Variants in MIPOL1 observed in about 807,000 individuals in gnomAD.
MIPOL1 encodes the protein mirror-image polydactyly gene 1 protein.
MIPOL1 carries 57 observed loss-of-function variants against 60.9 expected under a neutral mutation model. That is an observed-to-expected ratio of 0.94 (90% CI 0.76 to 1.17). The LOEUF is 1.17. Ranked by LOEUF, MIPOL1 falls within the 50% of genes most tolerant of loss-of-function variation. The probability of loss-of-function intolerance (pLI) is 0.00; values close to 1 mark genes in which losing one functional copy is unlikely to be tolerated. For synonymous variants in MIPOL1, 179 were observed against 168.8 expected (o/e 1.06, Z -0.47); for missense variants, 551 against 511.6 (o/e 1.08, Z -0.74).
At chr14:37,546,241 A>G (rs1016237572) in intron 12 of MIPOL1, among the ~76,000 whole-genome samples, 9 of 152,168 alleles carry the variant, frequency 5.9e-5, no homozygotes, top group Non-Finnish European at 8.8e-5. Context: ...TAAAATGTCT[A>G]TGTAGGTAAT....
At chr14:37,373,019 G>T (rs116601355) in intron 10 of MIPOL1, among the ~76,000 whole-genome samples, 4 of 151,998 alleles carry the variant, frequency 2.6e-5, no homozygotes, top group East Asian at 3.9e-4. Context: ...TTGTTTCTTC[G>T]TTCTGAAACA....
intron 10 of MIPOL1, among the ~76,000 whole-genome samples, chr14:37,381,721 T>C (rs2092929823): frequency 1.3e-5 from 2 of 151,692 alleles, no homozygotes. Flanking sequence ...CAGTTGACAC[T>C]ATAGGCACAC....
intron 10 of MIPOL1, among the ~76,000 whole-genome samples, chr14:37,420,507 T>C (rs1277569496): frequency 6.6e-6 from 1 of 152,272 alleles, no homozygotes; most frequent in African/African-American, 2.4e-5. Flanking sequence ...TTTTGACATA[T>C]AGTATGATAG....
At chr14:37,201,515 G>C (rs10136464) in intron 1 of MIPOL1, among the ~76,000 whole-genome samples, 68,026 of 151,566 alleles carry the variant, frequency 0.45, 17,684 homozygotes, top group African/African-American at 0.73. Flanking sequence ...ATATAATATA[G>C]TTATTGTAAT....
chr14:37,364,172 C>G (rs1446665893), intron 9 of MIPOL1, among the ~76,000 whole-genome samples: 2 of 152,200 alleles, frequency 1.3e-5, no homozygotes, highest in Non-Finnish European at 2.9e-5. Context: ...ATGAGATGAA[C>G]TGGGTACTTT....
intron 9 of MIPOL1, among the ~76,000 whole-genome samples, chr14:37,340,480 T>G (rs986698244): frequency 6.6e-6 from 1 of 152,082 alleles, no homozygotes; most frequent in Admixed American, 6.6e-5. Flanking sequence ...GGAGGCCAAG[T>G]CGGACGATCC....
chr14:37,337,317 C>T (rs2090201391), intron 9 of MIPOL1, among the ~76,000 whole-genome samples: 3 of 57,760 alleles, frequency 5.2e-5, no homozygotes, highest in African/African-American at 7.3e-5. Context: ...GCTTATTGTT[C>T]ATTTGTAAAC....
intron 6 of MIPOL1, among the ~76,000 whole-genome samples, chr14:37,282,565 C>T (rs1262032016): frequency 6.6e-6 from 1 of 151,498 alleles, no homozygotes; most frequent in Non-Finnish European, 1.5e-5. Context: ...CACAGTGAGA[C>T]CTTGTCTCTA....
chr14:37,520,088 T>A (rs955357188), intron 12 of MIPOL1, among the ~76,000 whole-genome samples: 1 of 152,152 alleles, frequency 6.6e-6, no homozygotes, highest in South Asian at 2.1e-4. Context: ...TTTTTATGAA[T>A]CATGGTTAAA....
chr14:37,409,095 C>T (rs575546807), intron 10 of MIPOL1, among the ~76,000 whole-genome samples: 1 of 152,234 alleles, frequency 6.6e-6, no homozygotes, highest in Non-Finnish European at 1.5e-5. Context: ...TCTCTTGGCT[C>T]CCTCATGGAA....
intron 11 of MIPOL1, among the ~76,000 whole-genome samples, chr14:37,430,910 CT>C (rs2094052610): frequency 6.6e-6 from 1 of 152,150 alleles, no homozygotes. Flanking sequence ...TTTTCTGCGC[CT>C]TATTCAACAC....
intron 11 of MIPOL1, among the ~76,000 whole-genome samples, chr14:37,448,070 CTTAAA>C (rs1431789637): frequency 2.0e-5 from 3 of 152,104 alleles, no homozygotes; most frequent in Non-Finnish European, 2.9e-5. Context: ...TGGATATGCT[CTTAAA>C]TTAAAGACAA....
In MIPOL1 at chr14:37,537,202, T is replaced by G. The variant is rs145003268; in HGVS notation, c.1263-9703T>G. The stretch of plus-strand genomic sequence containing the variant: ...TTAAAATGCATTCTTTGGTTTCTAC[T>G]TAATCTCAAAGATCTTAATATGAAG... On this transcript the variant is annotated intron_variant, in intron 12 of 12. Transcript: ENST00000684589. Among the ~76,000 whole-genome samples the G allele has an allele frequency of 3.0e-3, 454 of 152,292 alleles. 3 individuals are homozygous for G. Among genetic ancestry groups the G allele is most frequent in the African/African-American group, 0.01 (423 of 41,582 alleles).
At chr14:37,257,337 T>G (rs1435350269) in intron 3 of MIPOL1, among the ~76,000 whole-genome samples, 1 of 152,028 alleles carries the variant, frequency 6.6e-6, no homozygotes, top group African/African-American at 2.4e-5. Flanking sequence ...CAAATATACT[T>G]TTGAGCTACT....
At chr14:37,338,379 G>A (rs1262766905) in intron 9 of MIPOL1, among the ~76,000 whole-genome samples, 1 of 149,694 alleles carries the variant, frequency 6.7e-6, no homozygotes, top group Admixed American at 6.7e-5. Flanking sequence ...CAAAGTGCTG[G>A]GATTACAGGC....
intron 12 of MIPOL1, among the ~76,000 whole-genome samples, chr14:37,516,797 G>T (rs569783870): frequency 6.9e-4 from 105 of 151,942 alleles, no homozygotes; most frequent in South Asian, 1.2e-3. Flanking sequence ...TATTTTTTTA[G>T]AATAAACTAT....
intron 10 of MIPOL1, among the ~76,000 whole-genome samples, chr14:37,370,321 T>C (rs2153496712): frequency 6.6e-6 from 1 of 152,290 alleles, no homozygotes; most frequent in Middle Eastern, 3.4e-3. Context: ...CCCAGTATAG[T>C]GCCTGTACAC....
Position 37,423,088 on chromosome 14 carries a change from A to T in MIPOL1, c.1031+139A>T, listed in dbSNP as rs974429592. 20 of 577,248 alleles carry T rather than the reference A, an allele frequency of 3.5e-5. No individual in the cohort carries two copies. In the African/African-American group the frequency reaches 3.6e-4, roughly 10 times the overall value. The allele number at this position is 577,248 out of a possible 1,614,324, so 35.8% of individuals were successfully genotyped here. ...CTTAAAGCATTTTTATAACTAAAAA[A>T]GATTCAGGCTTATAGTATTTATTAT... On this transcript the variant is annotated intron_variant, in intron 11 of 12. Coordinates refer to ENST00000684589, the MANE Select transcript of MIPOL1 (RefSeq NM_001388067.1).
At chr14:37,393,506 C>G (rs892565392) in intron 10 of MIPOL1, among the ~76,000 whole-genome samples, 1 of 150,852 alleles carries the variant, frequency 6.6e-6, no homozygotes, top group Non-Finnish European at 1.5e-5. Flanking sequence ...AACATCAAAC[C>G]TGGGTGGTTC....
Sources: allele counts gnomAD v4.1 joint callset (sites outside exome capture counted in the v4.1 genomes callset), GRCh38; gene constraint gnomAD v4.1.1; transcripts MANE v1.5; gene names NCBI Gene and HGNC (gene_info 2026-07-23, HGNC 2026-07-21).